The following PDZRN4 variants were observed in gnomAD, a reference collection of about 807,000 sequenced individuals.
PDZRN4 encodes PDZ domain containing ring finger 4.
In PDZRN4, 70 loss-of-function variants were observed where a neutral mutation model predicts 99.0. The ratio of observed to expected loss-of-function variants is 0.71; its 90% CI spans 0.58 to 0.86. The LOEUF is 0.86. Among genes scored for constraint, PDZRN4 ranks in the 40% least tolerant of loss-of-function variants. The probability of loss-of-function intolerance (pLI) is 0.00; values close to 1 mark genes in which losing one functional copy is unlikely to be tolerated. For missense variants in PDZRN4, 1,474 were observed against 1,331.2 expected (o/e 1.11, Z -1.67); for synonymous variants, 551 against 501.6 (o/e 1.10, Z -1.32).
intron 3 of PDZRN4, among the ~76,000 whole-genome samples, chr12:41,496,811 A>G (rs900326242): frequency 6.6e-6 from 1 of 152,190 alleles, no homozygotes; most frequent in Admixed American, 6.5e-5. Context: ...ATTATTTTCA[A>G]GTATGTGCCA....
intron 3 of PDZRN4, among the ~76,000 whole-genome samples, chr12:41,329,355 C>T (rs917539294): frequency 1.6e-4 from 25 of 152,102 alleles, no homozygotes; most frequent in Admixed American, 1.6e-3. Context: ...TAAGCTGATA[C>T]TTTCCATATG....
At chr12:41,487,521 G>A (rs1369254965) in intron 3 of PDZRN4, among the ~76,000 whole-genome samples, 3 of 152,114 alleles carry the variant, frequency 2.0e-5, no homozygotes, top group Non-Finnish European at 4.4e-5. Context: ...TATAAACAGA[G>A]AACCTCAACT....
intron 3 of PDZRN4, among the ~76,000 whole-genome samples, chr12:41,339,138 C>G (rs558666243): frequency 7.6e-6 from 1 of 131,370 alleles, no homozygotes; most frequent in Non-Finnish European, 1.7e-5. Context: ...AAAAAAAAAA[C>G]AAAATGGGAG....
chr12:41,572,888 T>C lies in PDZRN4; in HGVS notation c.2109T>C (p.His703=), dbSNP rs746507871. The change falls in exon 10 of 10, where the codon CAT becomes CAC. Residue 703 remains histidine (H), a synonymous_variant. Coordinates refer to ENST00000402685, the MANE Select transcript of PDZRN4 (RefSeq NM_001164595.2). ...TDQYGDIWTL[H]DGGFRNYNTS... ...AGTATGGAGACATCTGGACATTGCA[T>C]GATGGAGGATTCCGGAATTATAACA... The C allele has an allele frequency of 3.7e-6, 6 of 1,614,082 alleles. No homozygotes were observed. The highest frequency in any genetic ancestry group is 1.7e-4 in the Middle Eastern group (1 of 6,060).
rs1457726215 is a variant in PDZRN4, at chr12:41,238,300, A to G, written c.843+44112A>G. Among the ~76,000 whole-genome samples the G allele has an allele frequency of 2.0e-5, 3 of 152,060 alleles. No individual in the cohort carries two copies. The East Asian group carries it at 5.8e-4, about 29-fold the overall frequency. On this transcript the variant is annotated intron_variant, in intron 3 of 9. Transcript: ENST00000402685. Reference sequence around the variant, plus strand: ...CCTGCTGTTGATGTATAGGAATGCTAGTAATGTTTTGCACATCGATTTTGT... The same window carrying G: ...CCTGCTGTTGATGTATAGGAATGCTGGTAATGTTTTGCACATCGATTTTGT...
intron 3 of PDZRN4, among the ~76,000 whole-genome samples, chr12:41,419,631 A>AGGAG (rs1952473681): frequency 6.6e-6 from 1 of 152,138 alleles, no homozygotes; most frequent in South Asian, 2.1e-4. Flanking sequence ...CTTTCTCACC[A>AGGAG]TGGGGGTTTT....
At chr12:41,479,737 C>T (rs1372309060) in intron 3 of PDZRN4, among the ~76,000 whole-genome samples, 1 of 152,144 alleles carries the variant, frequency 6.6e-6, no homozygotes, top group Non-Finnish European at 1.5e-5. Flanking sequence ...GGACATGTCT[C>T]TTTGTTCAAG....
chr12:41,349,638 T>C lies in PDZRN4; in HGVS notation c.843+155450T>C, dbSNP rs1200947177. 8.5e-5 allele frequency among the ~76,000 whole-genome samples: 13 copies of C among 152,150 alleles called. No homozygotes were observed. In the East Asian group the frequency reaches 2.5e-3, roughly 29 times the overall value. On this transcript the variant is annotated intron_variant, in intron 3 of 9. Transcript: ENST00000402685. ...TCCTTAAAAACATTAATTAACTCTA[T>C]ATTCGACATCTATTGACTTCCTAGT... is the stretch of plus-strand genomic sequence containing the variant.
At chr12:41,207,614 T>C (rs1197956744) in intron 3 of PDZRN4, among the ~76,000 whole-genome samples, 2 of 151,810 alleles carry the variant, frequency 1.3e-5, no homozygotes, top group South Asian at 2.1e-4. Context: ...ATGGCTGTTA[T>C]ATTCAATCAG....
intron 3 of PDZRN4, among the ~76,000 whole-genome samples, chr12:41,407,299 T>C (rs1046211068): frequency 1.3e-5 from 2 of 152,210 alleles, no homozygotes; most frequent in African/African-American, 4.8e-5. Context: ...AGAAGGCTTC[T>C]AAGTTCTGTG....
rs574241963 is a variant in PDZRN4 at position 41,328,987 on chromosome 12, A to C, written c.843+134799A>C. ...TTTTGTAACTTAAACAAATTTGGGCACTATAAAACAGAATGGAAGCAAACT... is the reference window on the plus strand; with the variant it reads ...TTTTGTAACTTAAACAAATTTGGGCCCTATAAAACAGAATGGAAGCAAACT... On this transcript the variant is annotated intron_variant, in intron 3 of 9. Transcript: ENST00000402685. 2.6e-5 allele frequency among the ~76,000 whole-genome samples: 4 copies of C among 152,262 alleles called. No individual in the cohort carries two copies. The South Asian group carries it at 6.2e-4, about 24-fold the overall frequency.
At chr12:41,211,793 T>A (rs1950890308) in intron 3 of PDZRN4, among the ~76,000 whole-genome samples, 1 of 151,986 alleles carries the variant, frequency 6.6e-6, no homozygotes, top group Non-Finnish European at 1.5e-5. Context: ...AAAATAGAAA[T>A]GAAAACATAG....
chr12:41,510,768 A>G (rs1262789875), intron 5 of PDZRN4, among the ~76,000 whole-genome samples: 1 of 152,082 alleles, frequency 6.6e-6, no homozygotes, highest in Non-Finnish European at 1.5e-5. Context: ...GAGGATCTGA[A>G]ATCAAATAAG....
At chr12:41,335,336 A>T (rs138087911) in intron 3 of PDZRN4, among the ~76,000 whole-genome samples, 2 of 152,028 alleles carry the variant, frequency 1.3e-5, no homozygotes, top group African/African-American at 2.4e-5. Context: ...ACATATGTAT[A>T]CATGTGCCAT....
chr12:41,357,254 A>G (rs1278752602), intron 3 of PDZRN4, among the ~76,000 whole-genome samples: 1 of 151,712 alleles, frequency 6.6e-6, no homozygotes, highest in East Asian at 1.9e-4. Context: ...TAGAATATTA[A>G]TATGTTTAGA....
chr12:41,265,155 A>G (rs549657564), intron 3 of PDZRN4, among the ~76,000 whole-genome samples: 4 of 152,324 alleles, frequency 2.6e-5, no homozygotes, highest in African/African-American at 7.2e-5. Flanking sequence ...TTAAAAGTGA[A>G]TAACAAACTT....
chr12:41,286,336 C>T (rs1455029036), intron 3 of PDZRN4, among the ~76,000 whole-genome samples: 9 of 106,282 alleles, frequency 8.5e-5, no homozygotes, highest in South Asian at 3.3e-4. Flanking sequence ...CCTTCTTCTT[C>T]TTTTTTTTTT....
At chr12:41,518,494 C>T (rs1327603633) in intron 5 of PDZRN4, among the ~76,000 whole-genome samples, 1 of 151,940 alleles carries the variant, frequency 6.6e-6, no homozygotes, top group African/African-American at 2.4e-5. Flanking sequence ...AAGTCTTTGT[C>T]TGCATTTCAG....
At chr12:41,571,424 C>A (rs10444591) in intron 9 of PDZRN4, among the ~76,000 whole-genome samples, 49,700 of 147,446 alleles carry the variant, frequency 0.34, 8,867 homozygotes, top group Admixed American at 0.41. Context: ...AACATACATG[C>A]ATGCCTATAT....
Sources: gnomAD v4.1 joint callset for allele counts (sites outside exome capture counted in the v4.1 genomes callset) on GRCh38, gnomAD v4.1.1 for gene constraint, MANE v1.5 for transcripts, NCBI Gene and HGNC (gene_info 2026-07-23, HGNC 2026-07-21) for gene names.